SLC2A13: variants seen among roughly 807,000 people sequenced by gnomAD.
SLC2A13 encodes the protein proton myo-inositol cotransporter.
In SLC2A13, 32 loss-of-function variants were observed where a neutral mutation model predicts 64.4. That is an observed-to-expected ratio of 0.50 (90% CI 0.37 to 0.67). The LOEUF (loss-of-function observed/expected upper bound fraction) is 0.67. SLC2A13 is among the 30% of genes least tolerant of loss of function. The pLI is 0.00. For missense variants in SLC2A13, 743 were observed against 829.2 expected, an observed-to-expected ratio of 0.90 and a Z score of 1.28; for synonymous variants, 338 against 327.1, an observed-to-expected ratio of 1.03 and a Z score of -0.36.
At chr12:39,865,079 G>A (rs926595637) in intron 5 of SLC2A13, among the ~76,000 whole-genome samples, 197 bp from the exon 6 acceptor site, 5 of 152,142 alleles carry the variant, frequency 3.3e-5, no homozygotes, top group Admixed American at 1.3e-4. Context: ...TCACTAGCAC[G>A]TTCATTGTGA....
chr12:40,002,411 A>C (rs1947335127), intron 3 of SLC2A13, among the ~76,000 whole-genome samples: 1 of 152,198 alleles, frequency 6.6e-6, no homozygotes, highest in Non-Finnish European at 1.5e-5. Context: ...CCTTGATCCC[A>C]AATACAAAGA....
At chr12:40,044,148 A>G (rs975887761) in intron 2 of SLC2A13, among the ~76,000 whole-genome samples, 3 of 152,218 alleles carry the variant, frequency 2.0e-5, no homozygotes, top group Admixed American at 2.0e-4. Flanking sequence ...TATTTGCTAT[A>G]AAAAGAAATG....
At chr12:40,005,666 A>G (rs1307446175) in intron 3 of SLC2A13, among the ~76,000 whole-genome samples, 1 of 152,332 alleles carries the variant, frequency 6.6e-6, no homozygotes, top group Admixed American at 6.5e-5. Context: ...CCAGTAATCT[A>G]TGTTTTAATA....
At chr12:40,063,703 C>A (rs941215041) in intron 1 of SLC2A13, among the ~76,000 whole-genome samples, 3 of 152,078 alleles carry the variant, frequency 2.0e-5, no homozygotes, top group Non-Finnish European at 2.9e-5. Flanking sequence ...AAGAATGACT[C>A]CAACAAGAAA....
intron 3 of SLC2A13, among the ~76,000 whole-genome samples, chr12:39,988,167 G>C (rs1481070452): frequency 6.6e-6 from 1 of 151,918 alleles, no homozygotes; most frequent in East Asian, 1.9e-4. Flanking sequence ...AAAAATGCTG[G>C]GCCGAAAGTT....
At chr12:39,895,036 TG>T (rs1401992252) in intron 4 of SLC2A13, among the ~76,000 whole-genome samples, 1 of 151,980 alleles carries the variant, frequency 6.6e-6, no homozygotes, top group East Asian at 1.9e-4. Context: ...CCAACGGCAG[TG>T]GAACTTTTTG....
At position 39,849,846 on chromosome 12, in the gene SLC2A13, C is replaced by T. The variant is rs146852274; in HGVS notation, c.1319+14916G>A. 2.0e-4 allele frequency among the ~76,000 whole-genome samples: 31 copies of T among 152,054 alleles called. No individual in the cohort carries two copies. In the East Asian group the frequency reaches 3.9e-3, roughly 19 times the overall value. ...TACTTTTTGCATTATATGGCTACTCCCTTCTTTTTTTTCTGGTGAGATTTC... is the reference window on the plus strand; with the variant it reads ...TACTTTTTGCATTATATGGCTACTCTCTTCTTTTTTTTCTGGTGAGATTTC... On this transcript the variant is annotated intron_variant, in intron 6 of 9. Transcript: ENST00000280871.
chr12:40,017,976 T>TAAA (rs5797648), intron 3 of SLC2A13, among the ~76,000 whole-genome samples: 2 of 128,562 alleles, frequency 1.6e-5, no homozygotes, highest in Middle Eastern at 4.1e-3. Context: ...TGCACATATT[T>TAAA]AAAAAAAAAA....
At chr12:39,997,130 A>G (rs903132556) in intron 3 of SLC2A13, among the ~76,000 whole-genome samples, 1 of 152,212 alleles carries the variant, frequency 6.6e-6, no homozygotes, top group Admixed American at 6.5e-5. Context: ...ACCTGATCTC[A>G]AACTATACTA....
chr12:40,062,982 T>C (rs1229860459), intron 1 of SLC2A13, among the ~76,000 whole-genome samples: 1 of 152,168 alleles, frequency 6.6e-6, no homozygotes, highest in African/African-American at 2.4e-5. Flanking sequence ...CAAGTTGTTT[T>C]ATATAGCTAC....
At chr12:40,032,491 G>A (rs973970893) in intron 2 of SLC2A13, among the ~76,000 whole-genome samples, 1 of 152,228 alleles carries the variant, frequency 6.6e-6, no homozygotes, top group Non-Finnish European at 1.5e-5. Flanking sequence ...TTTAAAGGCA[G>A]AGGAATACTT....
intron 9 of SLC2A13, among the ~76,000 whole-genome samples, chr12:39,761,529 T>C (rs1245579148): frequency 2.0e-5 from 3 of 152,066 alleles, no homozygotes; most frequent in African/African-American, 7.2e-5. Flanking sequence ...GAAGAGTTGC[T>C]ATTAAGATAC....
intron 7 of SLC2A13, among the ~76,000 whole-genome samples, chr12:39,769,979 T>G (rs1173853826): frequency 1.3e-5 from 2 of 152,254 alleles, no homozygotes; most frequent in East Asian, 3.9e-4. Context: ...TTGATGCTCT[T>G]TGATTACTCT....
intron 3 of SLC2A13, among the ~76,000 whole-genome samples, chr12:39,962,855 T>G (rs776200004): frequency 1.3e-5 from 2 of 152,180 alleles, no homozygotes; most frequent in African/African-American, 2.4e-5. Flanking sequence ...GTTCCTTACC[T>G]TCCCTGAGCT....
chr12:39,853,467 C>T (rs1272658295), intron 6 of SLC2A13, among the ~76,000 whole-genome samples: 1 of 152,042 alleles, frequency 6.6e-6, no homozygotes, highest in African/African-American at 2.4e-5. Context: ...CTAATTGTGA[C>T]AAGGTCTTAA....
intron 1 of SLC2A13, among the ~76,000 whole-genome samples, chr12:40,051,114 A>C (rs1311949111): frequency 6.6e-6 from 1 of 152,170 alleles, no homozygotes; most frequent in Non-Finnish European, 1.5e-5. Flanking sequence ...AAGTACACAC[A>C]AGACCTACTC....
At chr12:39,919,266 A>G (rs905779029) in intron 4 of SLC2A13, among the ~76,000 whole-genome samples, 4 of 152,108 alleles carry the variant, frequency 2.6e-5, no homozygotes, top group South Asian at 2.1e-4. Flanking sequence ...TATAAACTGT[A>G]TATGTGGTAA....
chr12:40,049,367 C>CA (rs1044511110), intron 1 of SLC2A13, among the ~76,000 whole-genome samples: 1 of 151,884 alleles, frequency 6.6e-6, no homozygotes. Context: ...TTTATGATGG[C>CA]AAAAAAACAG....
intron 4 of SLC2A13, among the ~76,000 whole-genome samples, chr12:39,879,398 A>T (rs1206683962): frequency 6.6e-6 from 1 of 152,178 alleles, no homozygotes; most frequent in African/African-American, 2.4e-5. Context: ...ATTCAACTTC[A>T]ACTCATGGGA....
Sources: allele counts gnomAD v4.1 joint callset (sites outside exome capture counted in the v4.1 genomes callset), GRCh38; gene constraint gnomAD v4.1.1; transcripts MANE v1.5; gene names NCBI Gene and HGNC (gene_info 2026-07-23, HGNC 2026-07-21).